Variants in DOK6 observed in about 807,000 individuals in gnomAD.
DOK6 encodes the protein docking protein 6.
A neutral mutation model predicts 44.0 loss-of-function variants in DOK6; 22 were observed. The ratio of observed to expected loss-of-function variants is 0.50; its 90% CI spans 0.36 to 0.71. The LOEUF is 0.71. Among genes scored for constraint, DOK6 ranks in the 30% least tolerant of loss-of-function variants. DOK6 has a pLI of 0.00. For missense variants in DOK6, 340 were observed against 416.4 expected, an observed-to-expected ratio of 0.82 and a Z score of 1.60; for synonymous variants, 166 against 145.5, an observed-to-expected ratio of 1.14 and a Z score of -1.01.
intron 1 of DOK6, among the ~76,000 whole-genome samples, chr18:69,447,248 G>C (rs144027532): frequency 0.089 from 13,559 of 152,084 alleles, 1,513 homozygotes; most frequent in East Asian, 0.31. Context: ...GTAAGGAAGG[G>C]ATCCAATTTC....
chr18:69,632,249 A>G (rs1984706530), intron 3 of DOK6, among the ~76,000 whole-genome samples: 1 of 152,194 alleles, frequency 6.6e-6, no homozygotes, highest in African/African-American at 2.4e-5. Flanking sequence ...ACAGTGGGAA[A>G]TTGAGTGTAA....
chr18:69,506,570 T>C (rs562933097), intron 1 of DOK6, among the ~76,000 whole-genome samples: 5 of 152,300 alleles, frequency 3.3e-5, no homozygotes, highest in South Asian at 4.1e-4. Flanking sequence ...ACATTTATAT[T>C]TATCAGTGGG....
chr18:69,592,533 A>G (rs1335296051), intron 2 of DOK6, among the ~76,000 whole-genome samples: 1 of 152,136 alleles, frequency 6.6e-6, no homozygotes, highest in Non-Finnish European at 1.5e-5. Context: ...GTTGTCATTT[A>G]GGTAAATTTA....
chr18:69,621,639 A>C (rs1984441616), intron 3 of DOK6, among the ~76,000 whole-genome samples: 1 of 152,132 alleles, frequency 6.6e-6, no homozygotes, highest in Non-Finnish European at 1.5e-5. Context: ...TGGGATTCAC[A>C]ATGGTTGGTG....
intron 1 of DOK6, among the ~76,000 whole-genome samples, chr18:69,436,632 G>A (rs1406853898): frequency 6.6e-6 from 1 of 152,106 alleles, no homozygotes; most frequent in African/African-American, 2.4e-5. Flanking sequence ...GTATGCATGT[G>A]TCTTTATAGT....
intron 3 of DOK6, among the ~76,000 whole-genome samples, chr18:69,615,476 C>A (rs1984263267): frequency 6.6e-6 from 1 of 152,238 alleles, no homozygotes; most frequent in Non-Finnish European, 1.5e-5. Flanking sequence ...ATCTGCTTCT[C>A]AGCCATCCTG....
intron 7 of DOK6, among the ~76,000 whole-genome samples, chr18:69,811,939 A>G (rs1246427995): frequency 1.3e-5 from 2 of 152,100 alleles, no homozygotes; most frequent in Non-Finnish European, 2.9e-5. Context: ...CTTCTCTGTG[A>G]TATATATGAT....
intron 1 of DOK6, among the ~76,000 whole-genome samples, chr18:69,482,530 A>C (rs1372549218): frequency 6.6e-6 from 1 of 152,062 alleles, no homozygotes; most frequent in African/African-American, 2.4e-5. Flanking sequence ...AAGTGTCCTC[A>C]TGACATTATA....
intron 7 of DOK6, among the ~76,000 whole-genome samples, chr18:69,776,630 A>G (rs915579945): frequency 6.6e-6 from 1 of 152,082 alleles, no homozygotes; most frequent in African/African-American, 2.4e-5. Flanking sequence ...AAAATCAACT[A>G]ATCTCAGAAA....
chr18:69,499,575 A>G (rs1021052028), intron 1 of DOK6, among the ~76,000 whole-genome samples: 6 of 152,168 alleles, frequency 3.9e-5, no homozygotes, highest in Non-Finnish European at 1.5e-5. Context: ...GGTAGATTTT[A>G]TCTCTATTTC....
At chr18:69,817,901 T>C (rs73970277) in intron 7 of DOK6, among the ~76,000 whole-genome samples, 18,130 of 152,182 alleles carry the variant, frequency 0.12, 1,099 homozygotes, top group East Asian at 0.17. Flanking sequence ...AATCCAATTA[T>C]GGATTTTATT....
intron 1 of DOK6, among the ~76,000 whole-genome samples, chr18:69,465,024 T>A (rs552427838): frequency 6.6e-6 from 1 of 152,322 alleles, no homozygotes; most frequent in African/African-American, 2.4e-5. Flanking sequence ...ACGAAAGAAG[T>A]TAGACCTTTG....
At chr18:69,808,905 C>G (rs1434867254) in intron 7 of DOK6, among the ~76,000 whole-genome samples, 1 of 151,730 alleles carries the variant, frequency 6.6e-6, no homozygotes, top group East Asian at 1.9e-4. Flanking sequence ...TGTCACTCTT[C>G]CAAAACATAG....
intron 1 of DOK6, among the ~76,000 whole-genome samples, chr18:69,538,672 C>CATCTTTG (rs56030064): frequency 1.3e-5 from 2 of 152,284 alleles, no homozygotes; most frequent in East Asian, 1.9e-4. Flanking sequence ...TGTGAGCTAC[C>CATCTTTG]GCCTCCATTT....
intron 7 of DOK6, among the ~76,000 whole-genome samples, chr18:69,787,172 C>A (rs181578997): frequency 6.6e-6 from 1 of 152,102 alleles, no homozygotes; most frequent in East Asian, 1.9e-4. Flanking sequence ...ACTGAGATCA[C>A]GCCACTGCAT....
intron 1 of DOK6, among the ~76,000 whole-genome samples, chr18:69,500,854 A>G (rs963131430): frequency 1.3e-5 from 2 of 152,142 alleles, no homozygotes; most frequent in African/African-American, 4.8e-5. Context: ...TGATCTAACT[A>G]CTTTGTTTAT....
At chr18:69,420,174 T>C (rs1978447862) in intron 1 of DOK6, among the ~76,000 whole-genome samples, 1 of 151,866 alleles carries the variant, frequency 6.6e-6, no homozygotes, top group Non-Finnish European at 1.5e-5. Flanking sequence ...GGGAAGAGAG[T>C]TTGTTTTAAA....
chr18:69,601,351 A>C (rs149420906), intron 3 of DOK6, among the ~76,000 whole-genome samples: 1 of 152,232 alleles, frequency 6.6e-6, no homozygotes, highest in Non-Finnish European at 1.5e-5. Context: ...CTGTGCTCCC[A>C]TCATCTCAAG....
intron 3 of DOK6, among the ~76,000 whole-genome samples, chr18:69,647,874 C>G (rs1328606324): frequency 6.6e-6 from 1 of 152,122 alleles, no homozygotes; most frequent in Non-Finnish European, 1.5e-5. Context: ...AAATGCCTTT[C>G]TCTGCCCGCC....
Sources: allele counts gnomAD v4.1 joint callset (sites outside exome capture counted in the v4.1 genomes callset), GRCh38; gene constraint gnomAD v4.1.1; transcripts MANE v1.5; gene names NCBI Gene and HGNC (gene_info 2026-07-23, HGNC 2026-07-21).